Variants in C6 observed in about 807,000 individuals in gnomAD.
C6 encodes the protein complement component C6.
Under a neutral mutation model 112.9 loss-of-function variants are expected in C6, and 101 were observed. That is an observed-to-expected ratio of 0.89 (90% CI 0.76 to 1.06). The LOEUF is 1.06. Among genes scored for constraint, C6 ranks in the 50% least tolerant of loss-of-function variants. The pLI is 0.00. For missense variants in C6, 1,202 were observed against 1,104.6 expected, an observed-to-expected ratio of 1.09 and a Z score of -1.25; for synonymous variants, 431 against 384.1, an observed-to-expected ratio of 1.12 and a Z score of -1.43.
chr5:41,160,308 G>C lies in C6; in HGVS notation c.1518C>G (p.Asn506Lys). Reference protein sequence around the residue: ...NIPCAVTKRNNLRKALQEYAA... With the variant: ...NIPCAVTKRNKLRKALQEYAA... ...CATACTCTTGCAAAGCTTTCCTGAGGTTGTTCCGTTTTGTCACTGCACAGG... is the reference window on the plus strand; with the variant it reads ...CATACTCTTGCAAAGCTTTCCTGAGCTTGTTCCGTTTTGTCACTGCACAGG... Residue 506 changes from asparagine to lysine, a missense_variant, in exon 11 of 18, where the codon AAC becomes AAG. Asn to Lys is a moderately conservative substitution (Grantham distance 94). Coordinates refer to ENST00000337836, the MANE Select transcript of C6 (RefSeq NM_000065.5). 6.2e-7 allele frequency: 1 copy of C among 1,613,868 alleles called. No homozygotes were observed. Among genetic ancestry groups the C allele is most frequent in the Non-Finnish European group, 8.5e-7 (1 of 1,179,848 alleles).
intron 17 of C6, among the ~76,000 whole-genome samples, chr5:41,148,866 A>G (rs756849641): frequency 1.3e-5 from 2 of 152,194 alleles, no homozygotes; most frequent in Non-Finnish European, 2.9e-5. Flanking sequence ...GGACAGCACT[A>G]TTGGCCTCAG....
At chr5:41,251,753 G>A (rs1285855720) in intron 1 of C6, among the ~76,000 whole-genome samples, 1 of 152,176 alleles carries the variant, frequency 6.6e-6, no homozygotes, top group African/African-American at 2.4e-5. Context: ...GACAGACTAG[G>A]CTGCGTGTGC....
Position 41,196,284 on chromosome 5 carries a change from G to A in C6, c.446-351C>T, listed in dbSNP as rs574800440. Among the ~76,000 whole-genome samples, 6 of 151,698 alleles carry A rather than the reference G, an allele frequency of 4.0e-5. No homozygotes were observed. The South Asian group carries it at 1.0e-3, about 26-fold the overall frequency. On this transcript the variant is annotated intron_variant, in intron 4 of 17. Transcript: ENST00000337836. ...TTTTGATCTAGGATGGGAGACTCAA[G>A]GTCACTGTTTTTATTTAAAAACCTG...
At chr5:41,234,578 T>A (rs1561195734) in intron 1 of C6, among the ~76,000 whole-genome samples, 1 of 152,074 alleles carries the variant, frequency 6.6e-6, no homozygotes, top group Non-Finnish European at 1.5e-5. Flanking sequence ...AGTGGAAATA[T>A]CATTGCTCTG....
At position 41,143,015 on chromosome 5, in the gene C6, A is replaced by G; in HGVS notation, c.2624-9T>C. 1 of 1,523,802 alleles carries G rather than the reference A, an allele frequency of 6.6e-7. No individual in the cohort carries two copies. Among genetic ancestry groups the G allele is most frequent in the South Asian group, 1.1e-5 (1 of 88,402 alleles). The allele number at this position is 1,523,802 out of a possible 1,614,324, so 94.4% of individuals were successfully genotyped here. On this transcript the variant is annotated splice_polypyrimidine_tract_variant and intron_variant, in intron 17 of 17. Transcript: ENST00000337836. ...ACATTTGGAAGTGGAGGCTGTAATG[A>G]GAGAGAGAGAGACAGTGTGACTTAC... is the stretch of plus-strand genomic sequence containing the variant.
intron 7 of C6, among the ~76,000 whole-genome samples, chr5:41,177,694 A>G (rs1360506419): frequency 6.6e-6 from 1 of 152,186 alleles, no homozygotes; most frequent in Non-Finnish European, 1.5e-5. Context: ...ATTGAAAAAG[A>G]ATCAGCATTA....
At chr5:41,240,579 T>G (rs1740640576) in intron 1 of C6, among the ~76,000 whole-genome samples, 1 of 152,194 alleles carries the variant, frequency 6.6e-6, no homozygotes, top group Admixed American at 6.5e-5. Context: ...ATGTGGATGC[T>G]GATGTTGGTG....
intron 6 of C6, among the ~76,000 whole-genome samples, chr5:41,181,924 G>A (rs1015325618): frequency 1.3e-5 from 2 of 152,158 alleles, no homozygotes; most frequent in Non-Finnish European, 2.9e-5. Context: ...TGATTTTGAT[G>A]CAGTGTGCAG....
chr5:41,181,822 G>A (rs1420335857), intron 6 of C6, among the ~76,000 whole-genome samples: 2 of 152,136 alleles, frequency 1.3e-5, no homozygotes, highest in Non-Finnish European at 2.9e-5. Context: ...GACCCTGAGA[G>A]GCAATATCAG....
intron 1 of C6, among the ~76,000 whole-genome samples, chr5:41,249,403 A>G (rs539289531): frequency 1.7e-4 from 26 of 152,320 alleles, no homozygotes; most frequent in African/African-American, 5.8e-4. Context: ...AATGCTTGTA[A>G]ATACTGAAAA....
At chr5:41,155,714 G>A (rs1403547904) in intron 13 of C6, among the ~76,000 whole-genome samples, 1 of 151,512 alleles carries the variant, frequency 6.6e-6, no homozygotes, top group Non-Finnish European at 1.5e-5. Flanking sequence ...GGGCAACAGA[G>A]TGAAATCCTG....
At chr5:41,194,293 T>C (rs532459621) in intron 5 of C6, among the ~76,000 whole-genome samples, 2 of 152,302 alleles carry the variant, frequency 1.3e-5, no homozygotes, top group Admixed American at 6.5e-5. Flanking sequence ...CATCAGTTTA[T>C]AGTCATCCAA....
intron 1 of C6, among the ~76,000 whole-genome samples, chr5:41,229,557 TC>T (rs1176553042): frequency 6.6e-6 from 1 of 152,186 alleles, no homozygotes; most frequent in African/African-American, 2.4e-5. Flanking sequence ...TTGATTTCAG[TC>T]TTTTTTGATG....
intron 1 of C6, among the ~76,000 whole-genome samples, chr5:41,257,684 C>A (rs1010637455): frequency 6.6e-6 from 1 of 152,164 alleles, no homozygotes; most frequent in Non-Finnish European, 1.5e-5. Flanking sequence ...CATATCACAT[C>A]TACTCACCTA....
chr5:41,247,135 A>G lies in C6; in HGVS notation c.-21+14059T>C, dbSNP rs144831048. Among the ~76,000 whole-genome samples, 9 of 152,304 alleles carry G rather than the reference A, an allele frequency of 5.9e-5. No individual in the cohort carries two copies. The East Asian group carries it at 1.7e-3, about 29-fold the overall frequency. ...ATTAGGCCTAGATTATGCTATGTTT[A>G]TGCTGATTCTACCTCTCTAAATAAG... On this transcript the variant is annotated intron_variant, in intron 1 of 17. Transcript: ENST00000263413.
At chr5:41,240,944 C>T (rs1740669013) in intron 1 of C6, among the ~76,000 whole-genome samples, 1 of 152,140 alleles carries the variant, frequency 6.6e-6, no homozygotes, top group Non-Finnish European at 1.5e-5. Context: ...CATTATTGGG[C>T]TGTTATTAGA....
At chr5:41,223,240 G>T (rs559703680) in intron 1 of C6, among the ~76,000 whole-genome samples, 1 of 152,222 alleles carries the variant, frequency 6.6e-6, no homozygotes, top group East Asian at 1.9e-4. Flanking sequence ...AGGAAACAAA[G>T]AAAGCACCAG....
intron 1 of C6, among the ~76,000 whole-genome samples, chr5:41,238,172 C>T (rs1459659105): frequency 9.2e-6 from 1 of 108,308 alleles, no homozygotes; most frequent in East Asian, 2.5e-4. Flanking sequence ...TTTACAGATT[C>T]AATGCCATCC....
intron 5 of C6, among the ~76,000 whole-genome samples, chr5:41,187,204 C>T (rs1749841823): frequency 6.6e-6 from 1 of 152,120 alleles, no homozygotes; most frequent in Non-Finnish European, 1.5e-5. Context: ...ATGCCCTTCC[C>T]TTCTCATGAC....
Sources: gnomAD v4.1 joint callset for allele counts (sites outside exome capture counted in the v4.1 genomes callset) on GRCh38, gnomAD v4.1.1 for gene constraint, MANE v1.5 for transcripts, NCBI Gene and HGNC (gene_info 2026-07-23, HGNC 2026-07-21) for gene names.